The following ARHGAP20 variants were observed in gnomAD, a reference collection of about 807,000 sequenced individuals.
The protein encoded by ARHGAP20 is rho GTPase-activating protein 20.
ARHGAP20 carries 34 observed loss-of-function variants against 73.7 expected under a neutral mutation model. The ratio of observed to expected loss-of-function variants is 0.46; its 90% CI spans 0.35 to 0.61. The LOEUF (loss-of-function observed/expected upper bound fraction) is 0.61, where lower values mean the gene tolerates loss of function less well. Among genes scored for constraint, ARHGAP20 ranks in the 20% least tolerant of loss-of-function variants. The pLI, the probability that ARHGAP20 is intolerant of heterozygous loss-of-function variation, is 0.00. For synonymous variants in ARHGAP20, 523 were observed against 518.2 expected (o/e 1.01, Z -0.13); for missense variants, 1,314 against 1,420.9 (o/e 0.92, Z 1.21).
chr11:110,660,064 A>ACAAAAAAAAAAC (rs753362690), intron 2 of ARHGAP20, among the ~76,000 whole-genome samples: 1 of 128,826 alleles, frequency 7.8e-6, no homozygotes, highest in Non-Finnish European at 1.6e-5. Context: ...TAAAAAACAA[A>ACAAAAAAAAAAC]AAAAAAAAAA....
intron 12 of ARHGAP20, among the ~76,000 whole-genome samples, chr11:110,585,613 G>C (rs1336345857): frequency 6.6e-6 from 1 of 152,130 alleles, no homozygotes; most frequent in Non-Finnish European, 1.5e-5. Context: ...TTATAATGCA[G>C]GAAAAGTCCA....
At position 110,580,461 on chromosome 11, in the gene ARHGAP20, G is replaced by A; in HGVS notation, c.2485C>T (p.Pro829Ser). ...PFDVNTSGYSPPHTADALKGP... is the reference protein window; with the variant it reads ...PFDVNTSGYSSPHTADALKGP... Reference sequence around the variant, plus strand: ...TTGAGGGCATCTGCTGTGTGTGGTGGGGAGTATCCAGATGTATTCACATCA... The same window carrying A: ...TTGAGGGCATCTGCTGTGTGTGGTGAGGAGTATCCAGATGTATTCACATCA... Residue 829 changes from proline (P) to serine (S), a missense_variant, in exon 15 of 15, where the codon CCA (proline) becomes TCA (serine). Pro to Ser is a moderately conservative substitution (Grantham distance 74). Around this residue, in one of 3 missense-constraint regions of ARHGAP20, gnomAD observed 641 missense variants for 636.9 expected, o/e 1.01. Transcript: ENST00000683387. 6.2e-7 allele frequency: 1 copy of A among 1,613,936 alleles called. No homozygotes were observed.
At chr11:110,693,303 A>C (rs1425145471) in intron 1 of ARHGAP20, among the ~76,000 whole-genome samples, 1 of 151,710 alleles carries the variant, frequency 6.6e-6, no homozygotes, top group East Asian at 1.9e-4. Context: ...ACTCAGACTT[A>C]CTCTATCATT....
intron 11 of ARHGAP20, among the ~76,000 whole-genome samples, chr11:110,587,763 CT>C (rs144274780): frequency 1.3e-4 from 19 of 149,366 alleles, no homozygotes; most frequent in East Asian, 2.0e-4. Flanking sequence ...TATTACTATC[CT>C]TTTTTTTTTA....
At chr11:110,635,465 A>G (rs1234309574) in intron 2 of ARHGAP20, among the ~76,000 whole-genome samples, 1 of 152,102 alleles carries the variant, frequency 6.6e-6, no homozygotes, top group Admixed American at 6.6e-5. Context: ...TAGCTCTAAC[A>G]TTGTAAAATT....
At chr11:110,664,921 T>G (rs947872457) in intron 2 of ARHGAP20, among the ~76,000 whole-genome samples, 1 of 152,104 alleles carries the variant, frequency 6.6e-6, no homozygotes, top group Non-Finnish European at 1.5e-5. Flanking sequence ...GAGTCAATAT[T>G]GTTAAGATAT....
chr11:110,651,932 C>CA, intron 2 of ARHGAP20, among the ~76,000 whole-genome samples: 2 of 151,870 alleles, frequency 1.3e-5, no homozygotes, highest in East Asian at 3.9e-4. Flanking sequence ...AGAGATACAA[C>CA]AAAAAAAGAA....
chr11:110,586,032 C>T (rs1366008261), intron 12 of ARHGAP20, among the ~76,000 whole-genome samples, 184 bp downstream of exon 12: 1 of 152,102 alleles, frequency 6.6e-6, no homozygotes, highest in Admixed American at 6.6e-5. Context: ...GGAAGGTGTA[C>T]AATCTTCAAG....
chr11:110,636,799 T>TTCTC (rs1258559546), intron 2 of ARHGAP20, among the ~76,000 whole-genome samples: 2 of 152,076 alleles, frequency 1.3e-5, no homozygotes, highest in African/African-American at 4.8e-5. Flanking sequence ...AAAAATGTGT[T>TTCTC]TCTCAATTTT....
intron 1 of ARHGAP20, among the ~76,000 whole-genome samples, chr11:110,711,195 G>A (rs532002904): frequency 3.9e-5 from 6 of 152,192 alleles, no homozygotes; most frequent in Non-Finnish European, 7.4e-5. Context: ...GACCCGGATC[G>A]GAATCCTCCC....
At position 110,595,923 on chromosome 11, in the gene ARHGAP20, A is replaced by G. The variant is rs867237815; in HGVS notation, c.965-3768T>C. Reference sequence around the variant, plus strand: ...ACAAGGCTACAGTAACCAAAACAGCATGGTACTGGTACCAAAACAGAGATA... The same window carrying G: ...ACAAGGCTACAGTAACCAAAACAGCGTGGTACTGGTACCAAAACAGAGATA... On this transcript the variant is annotated intron_variant, in intron 9 of 14. Coordinates refer to ENST00000683387, the MANE Select transcript of ARHGAP20 (RefSeq NM_001384657.1). Among the ~76,000 whole-genome samples the G allele has an allele frequency of 3.9e-4, 59 of 152,276 alleles. 3 individuals carry two copies. The South Asian group carries it at 8.5e-3, about 22-fold the overall frequency.
intron 2 of ARHGAP20, among the ~76,000 whole-genome samples, chr11:110,655,971 C>G (rs918205210): frequency 2.6e-5 from 4 of 152,132 alleles, no homozygotes; most frequent in African/African-American, 9.7e-5. Flanking sequence ...GACATGAGAA[C>G]AACTTTACCT....
intron 9 of ARHGAP20, among the ~76,000 whole-genome samples, chr11:110,593,655 G>A (rs1431571410): frequency 2.6e-5 from 4 of 152,196 alleles, no homozygotes; most frequent in African/African-American, 9.7e-5. Flanking sequence ...CTAGAGAAGG[G>A]AGACAGAGGT....
chr11:110,648,223 A>ATATATATATATATGTAAATATATATATG (rs1949259897), intron 2 of ARHGAP20, among the ~76,000 whole-genome samples: 4 of 38,490 alleles, frequency 1.0e-4, no homozygotes, highest in South Asian at 1.0e-3. Flanking sequence ...ATATATATGT[A>ATATATATATATATGTAAATATATATATG]TATATATATA....
intron 7 of ARHGAP20, 116 bp from the exon 8 acceptor site, chr11:110,609,166 G>T (rs1948308241): frequency 2.4e-6 from 2 of 823,558 alleles, no homozygotes; most frequent in Non-Finnish European, 4.0e-6. Context: ...CCCAGTGATA[G>T]TTAGAGATCC....
At position 110,580,310 on chromosome 11, in the gene ARHGAP20, T is replaced by A. The variant is rs1215630962; in HGVS notation, c.2636A>T (p.His879Leu). ...CCGTTTGAGATAATCCTCCTCTCCA[T>A]GCAAGAGACCAGCTTCACAGCTGGT... ...HKTSCEAGLLHGEEDYLKRHK... is the reference protein window; with the variant it reads ...HKTSCEAGLLLGEEDYLKRHK... Residue 879 changes from histidine to leucine, a missense_variant, in exon 15 of 15, where the codon CAT (histidine) becomes CTT (leucine). This residue lies in a region of ARHGAP20 where 641 missense variants were observed against 636.9 expected (regional missense o/e 1.01). Transcript: ENST00000683387. 1 of 1,614,232 alleles carries A rather than the reference T, an allele frequency of 6.2e-7. No individual in the cohort carries two copies. The highest frequency in any genetic ancestry group is 1.1e-5 in the South Asian group (1 of 91,080).
At chr11:110,675,559 CTTT>C (rs1949913303) in intron 2 of ARHGAP20, among the ~76,000 whole-genome samples, 2 of 152,220 alleles carry the variant, frequency 1.3e-5, no homozygotes, top group South Asian at 4.2e-4. Context: ...CAGGCACAGG[CTTT>C]AGATTCCCAT....
At chr11:110,711,371 A>G (rs1244599058) in intron 1 of ARHGAP20, among the ~76,000 whole-genome samples, 2 of 152,004 alleles carry the variant, frequency 1.3e-5, no homozygotes, top group Non-Finnish European at 2.9e-5. Context: ...TGCAGGGAGA[A>G]GGTCCCCCAC....
chr11:110,648,196 T>C lies in ARHGAP20; in HGVS notation c.189-17404A>G, dbSNP rs1255219403. ...AAATATATATATATATATGTAAATA[T>C]ATATATATATGTAAATATATATATG... On this transcript the variant is annotated intron_variant, in intron 2 of 14. Coordinates refer to ENST00000683387, the MANE Select transcript of ARHGAP20 (RefSeq NM_001384657.1). Among the ~76,000 whole-genome samples, 224 of 87,174 alleles carry C rather than the reference T, an allele frequency of 2.6e-3. 1 individual carries two copies. The highest frequency in any genetic ancestry group is 6.6e-3 in the Admixed American group (53 of 8,090). The allele number at this position is 87,174 out of a possible 152,430, so 57.2% of individuals were successfully genotyped here. A position where few individuals can be genotyped will look rare whatever the true frequency, so the allele number is the denominator to read the frequency against.
Sources: gnomAD v4.1 joint callset for allele counts (sites outside exome capture counted in the v4.1 genomes callset) on GRCh38, gnomAD v4.1.1 for gene constraint, gnomAD v4.1.1 regional missense constraint, MANE v1.5 for transcripts, NCBI Gene and HGNC (gene_info 2026-07-23, HGNC 2026-07-21) for gene names.